Variants in RUNX2 observed in about 807,000 individuals in gnomAD.
RUNX2 encodes RUNX family transcription factor 2, also known as runt-related transcription factor 2.
A neutral mutation model predicts 51.7 loss-of-function variants in RUNX2; 10 were observed. The observed-to-expected ratio is 0.19, with a 90% CI of 0.12 to 0.33. The LOEUF (loss-of-function observed/expected upper bound fraction) is 0.33. Ranked by LOEUF, RUNX2 falls within the 10% of genes least tolerant of loss-of-function variation. The probability of loss-of-function intolerance (pLI) is 1.00; values close to 1 mark genes in which losing one functional copy is unlikely to be tolerated. For synonymous variants in RUNX2, 276 were observed against 273.6 expected (o/e 1.01, Z -0.09); for missense variants, 562 against 691.3 (o/e 0.81, Z 2.10).
chr6:45,467,150 T>G (rs767702422), intron 5 of RUNX2, among the ~76,000 whole-genome samples: 1 of 152,206 alleles, frequency 6.6e-6, no homozygotes, highest in Non-Finnish European at 1.5e-5. Context: ...ATCCTTGGCC[T>G]CTTTGCAGGT....
At chr6:45,494,862 T>G (rs1246535400) in intron 6 of RUNX2, among the ~76,000 whole-genome samples, 1 of 152,186 alleles carries the variant, frequency 6.6e-6, no homozygotes, top group Admixed American at 6.6e-5. Context: ...TTAGGTAATA[T>G]GGAGAGAGAA....
intron 5 of RUNX2, among the ~76,000 whole-genome samples, chr6:45,443,036 C>A (rs1350111256): frequency 1.9e-5 from 1 of 52,170 alleles, no homozygotes; most frequent in Non-Finnish European, 3.1e-5. Flanking sequence ...TCAGGCCTTG[C>A]TTTTTTTTTT....
intron 2 of RUNX2, among the ~76,000 whole-genome samples, chr6:45,388,025 C>G (rs1212812630): frequency 6.6e-6 from 1 of 152,060 alleles, no homozygotes; most frequent in Non-Finnish European, 1.5e-5. Context: ...TATAGATGTT[C>G]AAGATCAAAA....
chr6:45,426,492 T>C (rs377581405), intron 3 of RUNX2, among the ~76,000 whole-genome samples: 3 of 152,346 alleles, frequency 2.0e-5, no homozygotes, highest in East Asian at 3.9e-4. Flanking sequence ...GCATTTCCAC[T>C]GTGAAGCCTG....
At chr6:45,338,150 C>T (rs1343158585) in intron 2 of RUNX2, among the ~76,000 whole-genome samples, 1 of 151,964 alleles carries the variant, frequency 6.6e-6, no homozygotes, top group Non-Finnish European at 1.5e-5. Context: ...GTAAGTTGTA[C>T]TTTACAAATG....
intron 7 of RUNX2, chr6:45,513,790 A>C (rs1240836030): frequency 2.0e-5 from 3 of 152,186 alleles, no homozygotes; most frequent in Non-Finnish European, 4.4e-5. Flanking sequence ...TAGAGTATAG[A>C]ATTTTAGTTA....
rs1341704315 is a variant in RUNX2, at chr6:45,349,665, G to C, written c.58+20881G>C. ...TTTTAAGTCATAGGTTGTTTCACTG[G>C]TTTTCATCAATTTGCTGCTCTTTAT... On this transcript the variant is annotated intron_variant, in intron 2 of 8. Transcript: ENST00000647337. Among the ~76,000 whole-genome samples, 5 of 152,204 alleles carry C rather than the reference G, an allele frequency of 3.3e-5. No individual in the cohort carries two copies. In the East Asian group the frequency reaches 7.7e-4, roughly 23 times the overall value.
intron 2 of RUNX2, among the ~76,000 whole-genome samples, chr6:45,374,904 A>T (rs555627524): frequency 6.6e-6 from 1 of 152,300 alleles, no homozygotes; most frequent in East Asian, 1.9e-4. Flanking sequence ...TAATTTTGTC[A>T]CTGTTTTAAA....
intron 2 of RUNX2, among the ~76,000 whole-genome samples, chr6:45,379,417 G>A (rs974137351): frequency 2.6e-5 from 4 of 152,162 alleles, no homozygotes; most frequent in Non-Finnish European, 4.4e-5. Context: ...AAACATAAAA[G>A]TAGATCATTT....
chr6:45,411,977 CT>C (rs1476391840), intron 2 of RUNX2, among the ~76,000 whole-genome samples: 1 of 152,062 alleles, frequency 6.6e-6, no homozygotes, highest in East Asian at 1.9e-4. Context: ...AATAATGTCA[CT>C]CAATAGCATT....
intron 7 of RUNX2, among the ~76,000 whole-genome samples, chr6:45,528,478 G>A (rs369840105): frequency 6.6e-6 from 1 of 152,128 alleles, no homozygotes; most frequent in Non-Finnish European, 1.5e-5. Context: ...AAAATTAGTC[G>A]GGTGTGGTGG....
intron 2 of RUNX2, among the ~76,000 whole-genome samples, chr6:45,354,840 G>A (rs1034020974): frequency 3.3e-5 from 5 of 152,132 alleles, no homozygotes; most frequent in African/African-American, 1.2e-4. Context: ...TATCAACATG[G>A]AAAAGTCCTG....
intron 2 of RUNX2, among the ~76,000 whole-genome samples, chr6:45,345,789 A>G (rs191205653): frequency 1.3e-5 from 2 of 152,278 alleles, no homozygotes; most frequent in East Asian, 3.9e-4. Flanking sequence ...AAAGGTTTCC[A>G]ATTGTCTTTG....
chr6:45,420,562 T>A (rs1169926677), intron 2 of RUNX2, among the ~76,000 whole-genome samples: 1 of 152,252 alleles, frequency 6.6e-6, no homozygotes, highest in African/African-American at 2.4e-5. Flanking sequence ...TCTTCATTTA[T>A]TTTATAAAAT....
chr6:45,394,733 G>A (rs1478103572), intron 2 of RUNX2, among the ~76,000 whole-genome samples: 1 of 152,198 alleles, frequency 6.6e-6, no homozygotes, highest in Non-Finnish European at 1.5e-5. Flanking sequence ...GTGGAATGCT[G>A]GAGGAGGCTG....
At chr6:45,454,196 A>G (rs1322907013) in intron 5 of RUNX2, among the ~76,000 whole-genome samples, 3 of 152,228 alleles carry the variant, frequency 2.0e-5, no homozygotes, top group Non-Finnish European at 4.4e-5. Flanking sequence ...ACTTTGCAAG[A>G]CATACCAGCC....
At chr6:45,540,558 A>G (rs1007781775) in intron 7 of RUNX2, among the ~76,000 whole-genome samples, 6 of 152,180 alleles carry the variant, frequency 3.9e-5, no homozygotes, top group African/African-American at 1.4e-4. Flanking sequence ...GAACTCATCT[A>G]TGATTCTTGA....
At chr6:45,365,346 T>C (rs1296700160) in intron 2 of RUNX2, 3 of 1,251,608 alleles carry the variant, frequency 2.4e-6, no homozygotes, top group Middle Eastern at 3.9e-4. Flanking sequence ...TACCTAGCTA[T>C]AAGTAAATGC....
intron 2 of RUNX2, among the ~76,000 whole-genome samples, chr6:45,347,022 T>C (rs1791020667): frequency 6.6e-6 from 1 of 152,096 alleles, no homozygotes; most frequent in South Asian, 2.1e-4. Flanking sequence ...AAAAATAACT[T>C]ACATGGCTGA....
Sources: allele counts gnomAD v4.1 joint callset (sites outside exome capture counted in the v4.1 genomes callset), GRCh38; gene constraint gnomAD v4.1.1; transcripts MANE v1.5; gene names NCBI Gene and HGNC (gene_info 2026-07-23, HGNC 2026-07-21).